Variants in UNC80 observed in about 807,000 individuals in gnomAD.
UNC80 encodes the protein protein unc-80 homolog.
A neutral mutation model predicts 384.6 loss-of-function variants in UNC80; 164 were observed. That is an observed-to-expected ratio of 0.43 (90% CI 0.38 to 0.49). The LOEUF is 0.49. Among genes scored for constraint, UNC80 ranks in the 20% least tolerant of loss-of-function variants. The pLI is 0.00. For synonymous variants in UNC80, 1,486 were observed against 1,527.8 expected (o/e 0.97, Z 0.64); for missense variants, 3,330 against 4,143.0 (o/e 0.80, Z 5.39).
chr2:209,842,291 C>T (rs1422412144), intron 20 of UNC80, 59 bp from the exon 21 acceptor site: 12 of 1,288,572 alleles, frequency 9.3e-6, no homozygotes, highest in Non-Finnish European at 1.2e-5. Flanking sequence ...GTTGATCTAA[C>T]CACAAAGATT....
At chr2:209,791,418 C>T (rs1000584567) in intron 6 of UNC80, among the ~76,000 whole-genome samples, 1 of 152,022 alleles carries the variant, frequency 6.6e-6, no homozygotes, top group African/African-American at 2.4e-5. Context: ...GTTAAGTGAC[C>T]CTGTCTCTGA....
At chr2:209,932,791 C>A (rs1321890966) in intron 38 of UNC80, among the ~76,000 whole-genome samples, 4 of 152,170 alleles carry the variant, frequency 2.6e-5, no homozygotes, top group Non-Finnish European at 5.9e-5. Flanking sequence ...GAGAAAGAAT[C>A]TGAATTCTAT....
At chr2:209,949,868 C>T (rs2124988858) in intron 47 of UNC80, among the ~76,000 whole-genome samples, 1 of 147,868 alleles carries the variant, frequency 6.8e-6, no homozygotes, top group South Asian at 2.1e-4. Flanking sequence ...TGTTCTGTTG[C>T]CAAGGTTGGA....
rs932398835 is a variant in UNC80, at chr2:209,771,947, G to A, written c.-126G>A. ...GGGGAGAGGCACGGGGGATCAGGGC[G>A]GAGAGAGCCGGCTCTGCCTCGGGGA... On this transcript the variant is annotated 5_prime_UTR_variant, in exon 1 of 65. Transcript: ENST00000673920. The A allele has an allele frequency of 1.4e-6, 1 of 704,060 alleles. No homozygotes were observed. Among genetic ancestry groups the A allele is most frequent in the African/African-American group, 1.8e-5 (1 of 54,978 alleles). 43.6% of individuals were successfully genotyped at this position (704,060 alleles called of 1,614,324 possible). A position where few individuals can be genotyped will look rare whatever the true frequency, so the allele number is the denominator to read the frequency against.
intron 58 of UNC80, 142 bp downstream of exon 58, chr2:209,977,220 C>A: frequency 2.5e-6 from 2 of 812,300 alleles, no homozygotes; most frequent in Non-Finnish European, 3.4e-6. Flanking sequence ...TTGACCATTT[C>A]TAATAAGTTA....
intron 42 of UNC80, among the ~76,000 whole-genome samples, chr2:209,939,079 GA>G (rs1166905527): frequency 2.0e-5 from 3 of 152,080 alleles, no homozygotes; most frequent in African/African-American, 7.2e-5. Context: ...GAACTCCCAG[GA>G]AACAGCTTCA....
chr2:209,956,610 AG>A (rs1163068644), intron 48 of UNC80, among the ~76,000 whole-genome samples: 6 of 151,774 alleles, frequency 4.0e-5, no homozygotes, highest in Middle Eastern at 6.8e-3. Flanking sequence ...TTTAAGTTTT[AG>A]GGTACATGTG....
chr2:209,792,836 A>G (rs913736544), intron 6 of UNC80, among the ~76,000 whole-genome samples: 5 of 152,206 alleles, frequency 3.3e-5, no homozygotes, highest in African/African-American at 1.2e-4. Flanking sequence ...TCTCTGACCT[A>G]TACTTACCTG....
chr2:209,942,381 G>A lies in UNC80; in HGVS notation c.6915+892G>A, dbSNP rs150541608. On this transcript the variant is annotated intron_variant, in intron 44 of 64. Transcript: ENST00000673920. Reference sequence around the variant, plus strand: ...CAAGTGTTTAGCTGATGTTTCTCCCGAGAGATTCCCTGACCTCTAACTGAA... The same window carrying A: ...CAAGTGTTTAGCTGATGTTTCTCCCAAGAGATTCCCTGACCTCTAACTGAA... Among the ~76,000 whole-genome samples, 194 of 152,256 alleles carry A rather than the reference G, an allele frequency of 1.3e-3. 6 individuals carry two copies. In the East Asian group the frequency reaches 0.034, roughly 27 times the overall value.
At chr2:209,894,710 A>G (rs1328949465) in intron 27 of UNC80, among the ~76,000 whole-genome samples, 5 of 152,228 alleles carry the variant, frequency 3.3e-5, no homozygotes, top group African/African-American at 1.2e-4. Flanking sequence ...TGGAGTATTC[A>G]TTAGGGAAAG....
chr2:209,853,022 TA>T (rs2082642485), intron 22 of UNC80, among the ~76,000 whole-genome samples: 1 of 152,164 alleles, frequency 6.6e-6, no homozygotes, highest in East Asian at 1.9e-4. Context: ...TAGGCACAGA[TA>T]CAGATATAGA....
At position 209,959,630 on chromosome 2, in the gene UNC80, G is replaced by T. The variant is rs996129486; in HGVS notation, c.7728G>T (p.Arg2576=). 2.6e-6 allele frequency: 4 copies of T among 1,551,724 alleles called. No homozygotes were observed. In the African/African-American group the frequency reaches 4.1e-5, roughly 16 times the overall value. Residue 2576 remains arginine (R), a synonymous_variant, in exon 51 of 65, where the codon CGG becomes CGT. Coordinates refer to ENST00000673920, the MANE Select transcript of UNC80 (RefSeq NM_001371986.1). ...CTEFYKHCGP[R]LKILQNLAGE... ...AGTTCTATAAGCACTGTGGGCCACG[G>T]CTGAAGATCTTGCAAAATCTGGCTG...
intron 22 of UNC80, among the ~76,000 whole-genome samples, chr2:209,865,765 A>G (rs1464482187): frequency 6.6e-6 from 1 of 152,210 alleles, no homozygotes; most frequent in African/African-American, 2.4e-5. Context: ...TTTTCCTTGC[A>G]TCTTAGATAT....
intron 28 of UNC80, among the ~76,000 whole-genome samples, chr2:209,900,444 C>T (rs1398822154): frequency 6.6e-6 from 1 of 152,108 alleles, no homozygotes; most frequent in South Asian, 2.1e-4. Flanking sequence ...ATGAACCACA[C>T]CCATATTGAT....
chr2:209,862,320 T>G (rs1440712785), intron 22 of UNC80, among the ~76,000 whole-genome samples: 1 of 152,222 alleles, frequency 6.6e-6, no homozygotes, highest in African/African-American at 2.4e-5. Flanking sequence ...TGGAGAGTTC[T>G]GTAGATATCT....
chr2:209,825,393 G>A (rs2080440280), intron 13 of UNC80, among the ~76,000 whole-genome samples: 2 of 152,098 alleles, frequency 1.3e-5, no homozygotes, highest in South Asian at 4.1e-4. Context: ...CCTTGTTTGT[G>A]CATATGTATT....
intron 7 of UNC80, chr2:209,795,023 A>G: frequency 4.0e-6 from 1 of 252,416 alleles, no homozygotes; most frequent in South Asian, 3.9e-5. Flanking sequence ...CAGTTTGAAG[A>G]GCTCAGAAGA....
intron 7 of UNC80, chr2:209,808,722 T>G: frequency 2.0e-5 from 2 of 101,230 alleles, no homozygotes; most frequent in South Asian, 1.2e-4. Context: ...GCGGCTGCAC[T>G]CATTGCTCCA....
rs2093492651 is a variant in UNC80, at chr2:209,996,908, GTA to G, written c.*1315_*1316del. The G allele has an allele frequency of 6.6e-6, 1 of 152,112 alleles. No individual in the cohort carries two copies. Among genetic ancestry groups the G allele is most frequent in the Non-Finnish European group, 1.5e-5 (1 of 68,004 alleles). 9.4% of individuals were successfully genotyped at this position (152,112 alleles called of 1,614,324 possible). ...TGTATGTGTGCGTGCGTGTGTGTGT[GTA>G]TGTGTTGTAGTCCTCAAGATGAAGT... On this transcript the variant is annotated 3_prime_UTR_variant, in exon 65 of 65. Transcript: ENST00000673920.
Sources: allele counts gnomAD v4.1 joint callset (sites outside exome capture counted in the v4.1 genomes callset), GRCh38; gene constraint gnomAD v4.1.1; transcripts MANE v1.5; gene names NCBI Gene and HGNC (gene_info 2026-07-23, HGNC 2026-07-21).